PRR5L: variants seen among roughly 807,000 people sequenced by gnomAD.
PRR5L encodes the protein proline rich 5 like.
In PRR5L, 21 loss-of-function variants were observed where a neutral mutation model predicts 36.4. That is an observed-to-expected ratio of 0.58 (90% CI 0.41 to 0.83). The LOEUF (loss-of-function observed/expected upper bound fraction) is 0.83, where lower values mean the gene tolerates loss of function less well. Ranked by LOEUF, PRR5L falls within the 40% of genes least tolerant of loss-of-function variation. The pLI, the probability that PRR5L is intolerant of heterozygous loss-of-function variation, is 0.00. For synonymous variants in PRR5L, 188 were observed against 197.0 expected (o/e 0.95, Z 0.38); for missense variants, 381 against 473.3 (o/e 0.80, Z 1.81).
intron 1 of PRR5L, among the ~76,000 whole-genome samples, chr11:36,387,884 C>T (rs1857486636): frequency 1.3e-5 from 2 of 152,214 alleles, no homozygotes; most frequent in Admixed American, 6.5e-5. Context: ...TAGTTGCCAA[C>T]ACTTACAAAT....
At chr11:36,393,694 T>A (rs1209357817) in intron 1 of PRR5L, among the ~76,000 whole-genome samples, 1 of 152,210 alleles carries the variant, frequency 6.6e-6, no homozygotes, top group Non-Finnish European at 1.5e-5. Context: ...TTTAGGATGT[T>A]TTTTCTATTT....
chr11:36,305,728 G>A (rs577096578), intron 1 of PRR5L, among the ~76,000 whole-genome samples: 12 of 152,264 alleles, frequency 7.9e-5, no homozygotes, highest in Admixed American at 3.9e-4. Flanking sequence ...AGAAGGCACC[G>A]TCTATAAACC....
chr11:36,397,067 C>CTTT (rs11300346), intron 1 of PRR5L, among the ~76,000 whole-genome samples: 8 of 130,642 alleles, frequency 6.1e-5, no homozygotes, highest in Non-Finnish European at 9.9e-5. Flanking sequence ...GTTTTCTTTT[C>CTTT]TTTTTTTTTT....
intron 8 of PRR5L, among the ~76,000 whole-genome samples, chr11:36,452,659 T>C (rs1273095918): frequency 6.6e-6 from 1 of 152,234 alleles, no homozygotes; most frequent in African/African-American, 2.4e-5. Flanking sequence ...GAGTCCACCT[T>C]CCTGCTGGCT....
intron 1 of PRR5L, among the ~76,000 whole-genome samples, chr11:36,400,196 G>T (rs1857761484): frequency 6.6e-6 from 1 of 152,212 alleles, no homozygotes. Context: ...GTGGGGGAAG[G>T]ACTGTGCATG....
In PRR5L at chr11:36,462,743, A is replaced by G. The variant is rs778813077; in HGVS notation, c.*7A>G. The G allele has an allele frequency of 6.6e-7, 1 of 1,523,730 alleles. No homozygotes were observed. The highest frequency in any genetic ancestry group is 2.3e-5 in the East Asian group (1 of 43,828). The allele number at this position is 1,523,730 out of a possible 1,614,324, so 94.4% of individuals were successfully genotyped here. A position where few individuals can be genotyped will look rare whatever the true frequency, so the allele number is the denominator to read the frequency against. On this transcript the variant is annotated 3_prime_UTR_variant, in exon 9 of 9. Coordinates refer to ENST00000530639, the MANE Select transcript of PRR5L (RefSeq NM_001160167.2). ...CTGTGCTTCCCTCAGCTGAGTCGCCACCCCTGGGCCTTTCCATCTCCTGTT... is the reference window on the plus strand; with the variant it reads ...CTGTGCTTCCCTCAGCTGAGTCGCCGCCCCTGGGCCTTTCCATCTCCTGTT...
At chr11:36,345,451 C>A (rs1162521893) in intron 1 of PRR5L, among the ~76,000 whole-genome samples, 1 of 151,848 alleles carries the variant, frequency 6.6e-6, no homozygotes, top group Non-Finnish European at 1.5e-5. Flanking sequence ...GATTGTGCCC[C>A]GTGGATAGCA....
chr11:36,432,753 G>A (rs1223558656), intron 5 of PRR5L, among the ~76,000 whole-genome samples: 1 of 152,082 alleles, frequency 6.6e-6, no homozygotes, highest in African/African-American at 2.4e-5. Context: ...CTAATGAACC[G>A]TAGATCAAAC....
Position 36,364,922 on chromosome 11 carries a change from T to C in PRR5L, c.-125-36075T>C, listed in dbSNP as rs186201580. Reference sequence around the variant, plus strand: ...CTCTCTTCCTTCCTCTAGTGAACATTTATTGAGTGGCTGCTCAGTGGAGGA... The same window carrying C: ...CTCTCTTCCTTCCTCTAGTGAACATCTATTGAGTGGCTGCTCAGTGGAGGA... On this transcript the variant is annotated intron_variant, in intron 1 of 8. Coordinates refer to ENST00000530639, the MANE Select transcript of PRR5L (RefSeq NM_001160167.2). Among the ~76,000 whole-genome samples, 307 of 152,300 alleles carry C rather than the reference T, an allele frequency of 2.0e-3. 1 individual carries two copies. Among genetic ancestry groups the C allele is most frequent in the African/African-American group, 7.2e-3 (299 of 41,566 alleles).
intron 1 of PRR5L, among the ~76,000 whole-genome samples, chr11:36,312,429 A>G (rs370408197): frequency 1.3e-5 from 2 of 152,196 alleles, no homozygotes; most frequent in African/African-American, 4.8e-5. Context: ...TGCTGTCTAC[A>G]TTTCACTCAG....
rs533226403 is a variant in PRR5L at position 36,413,700 on chromosome 11, TTTTTA to T, written c.246-5532_246-5528del. Among the ~76,000 whole-genome samples the T allele has an allele frequency of 3.7e-3, 557 of 150,934 alleles. 6 individuals carry two copies. Among genetic ancestry groups the T allele is most frequent in the African/African-American group, 0.01 (411 of 41,044 alleles). ...TATACTTTATTTTATTTATTTCTAT[TTTTTA>T]TTTTATTTTATTTTATTTTATTATT... On this transcript the variant is annotated intron_variant, in intron 3 of 8. Transcript: ENST00000530639.
intron 1 of PRR5L, chr11:36,376,333 GGAGGAGGAGGAA>G (rs1857258997): frequency 9.2e-7 from 1 of 1,083,030 alleles, no homozygotes; most frequent in Non-Finnish European, 1.1e-6. Context: ...GGGAGAAGGG[GGAGGAGGAGGAA>G]GAGGAGGAGG....
At position 36,415,637 on chromosome 11, in the gene PRR5L, A is replaced by C. The variant is rs1005205211; in HGVS notation, c.246-3618A>C. On this transcript the variant is annotated intron_variant, in intron 3 of 8. Coordinates refer to ENST00000530639, the MANE Select transcript of PRR5L (RefSeq NM_001160167.2). ...TGCGCGCCTGCTCTCCCAGCTACTCAGGAGGCTGAGGCATAAGAATTGCTT... is the reference window on the plus strand; with the variant it reads ...TGCGCGCCTGCTCTCCCAGCTACTCCGGAGGCTGAGGCATAAGAATTGCTT... 2.0e-5 allele frequency among the ~76,000 whole-genome samples: 3 copies of C among 152,332 alleles called. No individual in the cohort carries two copies. In the South Asian group the frequency reaches 6.2e-4, roughly 32 times the overall value.
intron 1 of PRR5L, among the ~76,000 whole-genome samples, chr11:36,371,788 G>A (rs1341142914): frequency 6.6e-6 from 1 of 152,210 alleles, no homozygotes; most frequent in African/African-American, 2.4e-5. Flanking sequence ...GCTGGGCATG[G>A]TGGTTTAGGT....
intron 4 of PRR5L, among the ~76,000 whole-genome samples, chr11:36,426,563 T>C (rs1217204639): frequency 6.6e-6 from 1 of 152,182 alleles, no homozygotes; most frequent in Non-Finnish European, 1.5e-5. Flanking sequence ...CAGAAGAATA[T>C]AATAGGGGAA....
chr11:36,410,366 G>T (rs1857998461), intron 3 of PRR5L, among the ~76,000 whole-genome samples: 1 of 152,082 alleles, frequency 6.6e-6, no homozygotes, highest in Non-Finnish European at 1.5e-5. Flanking sequence ...GGACTTTCTT[G>T]GTCCTTACAG....
intron 1 of PRR5L, among the ~76,000 whole-genome samples, chr11:36,302,439 A>G (rs1329266349): frequency 6.6e-6 from 1 of 152,184 alleles, no homozygotes; most frequent in Non-Finnish European, 1.5e-5. Context: ...AGAGTCTTAT[A>G]AGTTTGGACT....
chr11:36,392,568 A>G (rs55928793), intron 1 of PRR5L, among the ~76,000 whole-genome samples: 6,319 of 152,304 alleles, frequency 0.041, 160 homozygotes, highest in South Asian at 0.1. Flanking sequence ...CTGATGATCA[A>G]TGATGTATTA....
intron 4 of PRR5L, among the ~76,000 whole-genome samples, chr11:36,419,679 A>G (rs1858221264): frequency 6.6e-6 from 1 of 152,218 alleles, no homozygotes; most frequent in Non-Finnish European, 1.5e-5. Flanking sequence ...ATTTTTATGA[A>G]AAACAACTCA....
Sources: allele counts gnomAD v4.1 joint callset (sites outside exome capture counted in the v4.1 genomes callset), GRCh38; gene constraint gnomAD v4.1.1; transcripts MANE v1.5; gene names NCBI Gene and HGNC (gene_info 2026-07-23, HGNC 2026-07-21).